Variants in VGLL4 observed in about 807,000 individuals in gnomAD.
VGLL4 encodes transcription cofactor vestigial-like protein 4.
In VGLL4, 7 loss-of-function variants were observed where a neutral mutation model predicts 21.0. The ratio of observed to expected loss-of-function variants is 0.33; its 90% CI spans 0.19 to 0.63. The LOEUF (loss-of-function observed/expected upper bound fraction) is 0.63, where lower values mean the gene tolerates loss of function less well. VGLL4 is among the 20% of genes least tolerant of loss of function. The pLI is 0.78. For synonymous variants in VGLL4, 222 were observed against 173.2 expected (o/e 1.28, Z -2.21); for missense variants, 394 against 425.7 (o/e 0.93, Z 0.66).
At chr3:11,627,826 TATAAAC>T (rs1037646538) in intron 1 of VGLL4, among the ~76,000 whole-genome samples, 7 of 152,194 alleles carry the variant, frequency 4.6e-5, no homozygotes, top group Non-Finnish European at 7.4e-5. Flanking sequence ...AAGAGGATGA[TATAAAC>T]ATATCACACA....
At chr3:11,633,825 A>G (rs774653392) in intron 1 of VGLL4, among the ~76,000 whole-genome samples, 3 of 152,182 alleles carry the variant, frequency 2.0e-5, no homozygotes, top group Non-Finnish European at 2.9e-5. Flanking sequence ...AAGCAGTTTC[A>G]CGTTATGTGG....
At chr3:11,582,614 C>T (rs576852730) in intron 2 of VGLL4, among the ~76,000 whole-genome samples, 11 of 152,320 alleles carry the variant, frequency 7.2e-5, no homozygotes, top group African/African-American at 2.2e-4. Context: ...TTACAGCACG[C>T]GATTTCCTCT....
At position 11,568,906 on chromosome 3, in the gene VGLL4, C is replaced by T; in HGVS notation, c.273-3887G>A. 7.7e-7 allele frequency: 1 copy of T among 1,294,010 alleles called. No homozygotes were observed. Among genetic ancestry groups the T allele is most frequent in the Non-Finnish European group, 9.8e-7 (1 of 1,016,720 alleles). 80.2% of individuals were successfully genotyped at this position (1,294,010 alleles called of 1,614,324 possible). A position where few individuals can be genotyped will look rare whatever the true frequency, so the allele number is the denominator to read the frequency against. On this transcript the variant is annotated intron_variant, in intron 2 of 4. Transcript: ENST00000430365. The surrounding 1 kb of genome is among the most constrained non-coding windows in gnomAD (Gnocchi z 5.9). ...ACCCGGCCCCGCCCCGGGCCTCATC[C>T]CCATCCTAGGCGGGCACTTCCACTG...
At chr3:11,721,239 A>G (rs1317718090), upstream of VGLL4, 2 of 152,192 alleles carry the variant, frequency 1.3e-5, no homozygotes, top group African/African-American at 4.8e-5. Flanking sequence ...CTGTTTTCCC[A>G]TCTGTTGCCT....
At position 11,564,986 on chromosome 3, in the gene VGLL4, G is replaced by A. The variant is rs140884716; in HGVS notation, c.306C>T (p.Asp102=). The change falls in exon 3 of 5, where the codon GAC becomes GAT. Residue 102 remains aspartate, a synonymous_variant. Transcript: ENST00000430365. ...TGGGGCTGCGGCTCCGCTCCCGGGG[G>A]TCTCTGCGGCAGTCTCCATTGGCAG... is the stretch of plus-strand genomic sequence containing the variant. The part of the protein sequence containing the change: ...NKTANGDCRR[D]PRERSRSPIE... The A allele has an allele frequency of 4.5e-5, 68 of 1,526,908 alleles. No individual in the cohort carries two copies. The highest frequency in any genetic ancestry group is 6.0e-5 in the Non-Finnish European group (68 of 1,138,578). The allele number at this position is 1,526,908 out of a possible 1,614,324, so 94.6% of individuals were successfully genotyped here.
chr3:11,624,943 A>G (rs561708528), intron 1 of VGLL4, among the ~76,000 whole-genome samples: 1 of 152,326 alleles, frequency 6.6e-6, no homozygotes, highest in South Asian at 2.1e-4. Flanking sequence ...CCGCAGGTAA[A>G]CAGAGGGATA....
At chr3:11,611,714 C>T (rs1012442673) in intron 1 of VGLL4, 3 of 152,312 alleles carry the variant, frequency 2.0e-5, no homozygotes, top group African/African-American at 7.2e-5. Flanking sequence ...GAAACAAACA[C>T]ATGGACTGGC....
chr3:11,559,745 T>C (rs1429718430), intron 3 of VGLL4, among the ~76,000 whole-genome samples: 1 of 152,140 alleles, frequency 6.6e-6, no homozygotes, highest in Non-Finnish European at 1.5e-5. Context: ...TCAAATCTGT[T>C]AAGACAAACA....
rs1559859659 is a variant in VGLL4 at position 11,564,711 on chromosome 3, T to TCCCTCACCACCTCCCTCCCTCAC, written c.495+85_495+86insGTGAGGGAGGGAGGTGGTGAGGG. 4.3e-6 allele frequency: 6 copies of TCCCTCACCACCTCCCTCCCTCAC among 1,380,780 alleles called. No homozygotes were observed. In the African/African-American group the frequency reaches 4.4e-5, roughly 10 times the overall value. 85.5% of individuals were successfully genotyped at this position (1,380,780 alleles called of 1,614,324 possible). ...CCACCTCCCTCCCTCACCACCGCCC[T>TCCCTCACCACCTCCCTCCCTCAC]CGGAGTCCTCTGCTCGGGGCTCTCC... On this transcript the variant is annotated intron_variant, in intron 3 of 4. Coordinates refer to ENST00000430365, the MANE Select transcript of VGLL4 (RefSeq NM_001128219.3).
chr3:11,599,080 C>A (rs780977910), intron 2 of VGLL4, among the ~76,000 whole-genome samples: 1 of 152,120 alleles, frequency 6.6e-6, no homozygotes, highest in Non-Finnish European at 1.5e-5. Flanking sequence ...CCCTACAACA[C>A]GAAGAAGTAA....
intron 1 of VGLL4, among the ~76,000 whole-genome samples, chr3:11,624,224 T>G (rs1327058198): frequency 6.6e-6 from 1 of 152,220 alleles, no homozygotes; most frequent in Non-Finnish European, 1.5e-5. Flanking sequence ...ATATGTCATT[T>G]TAGCGTGCCC....
At chr3:11,713,880 A>G (rs948491881) in intron 1 of VGLL4, among the ~76,000 whole-genome samples, 7 of 152,054 alleles carry the variant, frequency 4.6e-5, no homozygotes, top group African/African-American at 1.7e-4. Flanking sequence ...GAAACACTGA[A>G]TGAATGCTCT....
At chr3:11,671,157 G>C in intron 2 of VGLL4, 2 of 1,311,256 alleles carry the variant, frequency 1.5e-6, no homozygotes, top group Non-Finnish European at 2.1e-6. Context: ...TGAGGCTTTA[G>C]ATAAACATAC....
chr3:11,615,745 A>C (rs1228539748), intron 1 of VGLL4, among the ~76,000 whole-genome samples: 1 of 152,208 alleles, frequency 6.6e-6, no homozygotes, highest in East Asian at 1.9e-4. Context: ...AGCTGGATTA[A>C]AGACAGGGTC....
At position 11,703,011 on chromosome 3, in the gene VGLL4, CA is replaced by C. The variant is rs2125405277; in HGVS notation, c.23del (p.Leu8CysfsTer60). Reference sequence around the variant, plus strand: ...CATGCACCAGAGATGCTGCCCTGGACAAAACATCCAATGGCGTCTCCATTCC... The same window carrying C: ...CATGCACCAGAGATGCTGCCCTGGACAAACATCCAATGGCGTCTCCATTCC... On this transcript the variant is annotated frameshift_variant, in exon 2 of 6. Coordinates refer to the VGLL4 transcript ENST00000273038. LOFTEE classifies it high-confidence loss of function. 6.2e-7 allele frequency: 1 copy of C among 1,612,750 alleles called. No individual in the cohort carries two copies. Among genetic ancestry groups the C allele is most frequent in the Non-Finnish European group, 8.5e-7 (1 of 1,179,310 alleles).
intron 2 of VGLL4, among the ~76,000 whole-genome samples, chr3:11,674,696 A>G (rs2125372539): frequency 6.6e-6 from 1 of 152,364 alleles, no homozygotes; most frequent in Admixed American, 6.5e-5. Flanking sequence ...TTAAAAAGGC[A>G]AAGAGGACAG....
chr3:11,591,365 C>G (rs2074491219), intron 2 of VGLL4, among the ~76,000 whole-genome samples: 1 of 152,216 alleles, frequency 6.6e-6, no homozygotes, highest in South Asian at 2.1e-4. Context: ...AGCCTAAGTC[C>G]CCAGTGCAGC....
At chr3:11,687,788 G>A (rs1442144676) in intron 2 of VGLL4, among the ~76,000 whole-genome samples, 2 of 152,078 alleles carry the variant, frequency 1.3e-5, no homozygotes, top group African/African-American at 2.4e-5. Context: ...GAAAATTATA[G>A]TTTTTCCTAT....
chr3:11,713,969 C>T (rs2076884874), intron 1 of VGLL4, among the ~76,000 whole-genome samples: 1 of 152,142 alleles, frequency 6.6e-6, no homozygotes, highest in African/African-American at 2.4e-5. Flanking sequence ...TGCAGGAGGG[C>T]AGGGGTACGA....
Sources: gnomAD v4.1 joint callset for allele counts (sites outside exome capture counted in the v4.1 genomes callset) on GRCh38, gnomAD v4.1.1 for gene constraint, Gnocchi (gnomAD v3.1) non-coding constraint, MANE v1.5 for transcripts, NCBI Gene and HGNC (gene_info 2026-07-23, HGNC 2026-07-21) for gene names.